The following NBEA variants were observed in gnomAD, a reference collection of about 807,000 sequenced individuals.
The protein encoded by NBEA is lysosomal-trafficking regulator 2.
In NBEA, 44 loss-of-function variants were observed where a neutral mutation model predicts 343.4. That is an observed-to-expected ratio of 0.13 (90% confidence interval 0.10 to 0.16). The LOEUF (loss-of-function observed/expected upper bound fraction) is 0.16. Ranked by LOEUF, NBEA falls within the 10% of genes least tolerant of loss-of-function variation. NBEA has a pLI of 1.00. For missense variants in NBEA, 2,555 were observed against 3,631.3 expected (o/e 0.70, Z 7.62); for synonymous variants, 1,175 against 1,238.7 (o/e 0.95, Z 1.08).
Position 35,649,663 on chromosome 13 carries a change from T to C in NBEA, c.7779T>C (p.Leu2593=), listed in dbSNP as rs186711132. The C allele has an allele frequency of 2.6e-4, 415 of 1,612,954 alleles. 3 individuals are homozygous for C. In the African/African-American group the frequency reaches 5.1e-3, roughly 20 times the overall value. Residue 2593 remains leucine, a synonymous_variant, in exon 52 of 59, where the codon CTT becomes CTC. Transcript: ENST00000379939. ...CCCTTTCTATTCAACAGTGTTTCCT[T>C]CCACAGAGTCCGCTCATGTTTAAAG... The part of the protein sequence containing the change: ...PRSSAMHLCF[L]PQSPLMFKDQ...
chr13:35,404,743 TAAAGTA>T (rs2043183817), intron 38 of NBEA, among the ~76,000 whole-genome samples: 2 of 151,608 alleles, frequency 1.3e-5, no homozygotes, highest in South Asian at 4.2e-4. Context: ...CCCTAAAACT[TAAAGTA>T]TAATAATAAT....
At chr13:35,484,341 C>T (rs2152968872) in intron 41 of NBEA, among the ~76,000 whole-genome samples, 1 of 149,598 alleles carries the variant, frequency 6.7e-6, no homozygotes, top group Non-Finnish European at 1.5e-5. Context: ...TTGCAACAGA[C>T]CAAGTTTAAA....
At chr13:35,544,591 G>A (rs764796532) in intron 41 of NBEA, among the ~76,000 whole-genome samples, 6 of 152,126 alleles carry the variant, frequency 3.9e-5, no homozygotes, top group Non-Finnish European at 5.9e-5. Flanking sequence ...TATGACATTT[G>A]TATTGTATTA....
At position 35,049,856 on chromosome 13, in the gene NBEA, C is replaced by G. The variant is rs3048006; in HGVS notation, c.846-413C>G. 3.0e-5 allele frequency among the ~76,000 whole-genome samples: 4 copies of G among 132,004 alleles called. No homozygotes were observed. In the East Asian group the frequency reaches 8.5e-4, roughly 28 times the overall value. 86.6% of individuals were successfully genotyped at this position (132,004 alleles called of 152,430 possible). A position where few individuals can be genotyped will look rare whatever the true frequency, so the allele number is the denominator to read the frequency against. On this transcript the variant is annotated intron_variant, in intron 5 of 58. Transcript: ENST00000379939. ...CTTGACTCTGACCAAGTTTTTTTTTCTTTTTCTTTTTAATTTCTAAGCTAT... is the reference window on the plus strand; with the variant it reads ...CTTGACTCTGACCAAGTTTTTTTTTGTTTTTCTTTTTAATTTCTAAGCTAT...
At chr13:35,116,359 T>A (rs1368487663) in intron 13 of NBEA, among the ~76,000 whole-genome samples, 1 of 152,146 alleles carries the variant, frequency 6.6e-6, no homozygotes, top group Non-Finnish European at 1.5e-5. Context: ...TGATAATTCG[T>A]TAAGTTGTTC....
intron 41 of NBEA, chr13:35,476,408 C>CT (rs2075875251): frequency 9.9e-7 from 1 of 1,013,214 alleles, no homozygotes; most frequent in African/African-American, 1.6e-5. Context: ...AAAGACTGTC[C>CT]TCCCCCCTCT....
intron 7 of NBEA, 135 bp downstream of exon 7, chr13:35,056,264 T>G (rs2152566218): frequency 2.4e-6 from 2 of 825,064 alleles, no homozygotes; most frequent in South Asian, 5.9e-5. Context: ...TAAATAAATC[T>G]TTCATTGTTA....
intron 34 of NBEA, among the ~76,000 whole-genome samples, chr13:35,261,693 A>G (rs2033231912): frequency 1.3e-5 from 2 of 152,156 alleles, no homozygotes; most frequent in African/African-American, 2.4e-5. Flanking sequence ...GTAGAATAGT[A>G]TGTTTCCAAA....
rs113040785 is a variant in NBEA, at chr13:35,262,750, A to G, written c.5777-27639A>G. Among the ~76,000 whole-genome samples, 1,019 of 152,306 alleles carry G rather than the reference A, an allele frequency of 6.7e-3. 9 individuals are homozygous for G. The highest frequency in any genetic ancestry group is 0.024 in the African/African-American group (980 of 41,572). ...TGATTGTGGTGGCAAAACACAGTGCATGTGACAACACTCATAAAACTACAC... is the reference window on the plus strand; with the variant it reads ...TGATTGTGGTGGCAAAACACAGTGCGTGTGACAACACTCATAAAACTACAC... On this transcript the variant is annotated intron_variant, in intron 34 of 58. Transcript: ENST00000379939.
At chr13:34,943,207 C>A in intron 1 of NBEA, 93 bp downstream of exon 1, 1 of 1,484,344 alleles carries the variant, frequency 6.7e-7, no homozygotes. Flanking sequence ...CCCAGGGTCA[C>A]ACGCGCCGCG....
chr13:35,445,782 TTATATATATATATATATATATATA>T (rs71081255), intron 39 of NBEA, among the ~76,000 whole-genome samples: 1 of 113,270 alleles, frequency 8.8e-6, no homozygotes, highest in Non-Finnish European at 1.7e-5. Context: ...ATATAAATGT[TTATATATATATATATATATATATA>T]TATATATATA....
chr13:35,591,258 A>G (rs1199509870), intron 46 of NBEA, among the ~76,000 whole-genome samples: 10 of 152,148 alleles, frequency 6.6e-5, no homozygotes, highest in African/African-American at 2.4e-4. Context: ...TCAAACTTAA[A>G]TCTGTCATAT....
chr13:35,641,419 T>A, intron 49 of NBEA, among the ~76,000 whole-genome samples: 1 of 152,110 alleles, frequency 6.6e-6, no homozygotes, highest in Non-Finnish European at 1.5e-5. Context: ...CTGAAACTGT[T>A]AACAACCCAA....
chr13:35,619,335 T>C (rs542553556), intron 48 of NBEA, among the ~76,000 whole-genome samples: 2 of 151,942 alleles, frequency 1.3e-5, no homozygotes, highest in Non-Finnish European at 1.5e-5. Context: ...CCAGAGCCAG[T>C]GAGCATGACA....
chr13:35,294,020 TA>T (rs1193373385), intron 35 of NBEA, among the ~76,000 whole-genome samples: 1 of 152,084 alleles, frequency 6.6e-6, no homozygotes, highest in Non-Finnish European at 1.5e-5. Context: ...ACTGAAAAGC[TA>T]AAGATGTATA....
intron 36 of NBEA, among the ~76,000 whole-genome samples, chr13:35,326,188 A>T (rs1258960645): frequency 6.6e-6 from 1 of 152,102 alleles, no homozygotes; most frequent in Non-Finnish European, 1.5e-5. Context: ...CTGTGAAAAA[A>T]TGACATTGGT....
intron 34 of NBEA, among the ~76,000 whole-genome samples, chr13:35,274,574 G>C (rs2034439093): frequency 6.6e-6 from 1 of 152,164 alleles, no homozygotes; most frequent in Admixed American, 6.5e-5. Flanking sequence ...AAGTCAAATT[G>C]TCTCTGTTTG....
At chr13:35,500,254 T>G (rs1594815511) in intron 41 of NBEA, among the ~76,000 whole-genome samples, 1 of 152,234 alleles carries the variant, frequency 6.6e-6, no homozygotes. Flanking sequence ...GGAGCCTGCT[T>G]CAATCCAATT....
chr13:35,294,490 G>A (rs760112107), intron 35 of NBEA, among the ~76,000 whole-genome samples: 1 of 151,960 alleles, frequency 6.6e-6, no homozygotes, highest in Non-Finnish European at 1.5e-5. Context: ...AACCAGGGAT[G>A]GAGTAGATGT....
Sources: gnomAD v4.1 joint callset for allele counts (sites outside exome capture counted in the v4.1 genomes callset) on GRCh38, gnomAD v4.1.1 for gene constraint, MANE v1.5 for transcripts, NCBI Gene and HGNC (gene_info 2026-07-23, HGNC 2026-07-21) for gene names.